MAP3K20: variants seen among roughly 807,000 people sequenced by gnomAD.
MAP3K20 encodes the protein mitogen-activated protein kinase kinase kinase 20, also known as HCCS-4.
A neutral mutation model predicts 85.7 loss-of-function variants in MAP3K20; 40 were observed. The observed-to-expected ratio is 0.47, with a 90% CI of 0.36 to 0.61. The LOEUF (loss-of-function observed/expected upper bound fraction) is 0.61. MAP3K20 is among the 20% of genes least tolerant of loss of function. MAP3K20 has a pLI of 0.00. For missense variants in MAP3K20, 817 were observed against 961.7 expected, an observed-to-expected ratio of 0.85 and a Z score of 1.99; for synonymous variants, 325 against 327.7, an observed-to-expected ratio of 0.99 and a Z score of 0.09.
intron 2 of MAP3K20, among the ~76,000 whole-genome samples, chr2:173,099,338 T>A (rs565088354): frequency 5.3e-5 from 8 of 150,972 alleles, no homozygotes; most frequent in Admixed American, 3.3e-4. Context: ...TTGTTTTGTT[T>A]TTTTTTTTTG....
Position 173,122,020 on chromosome 2 carries a change from G to T in MAP3K20, c.159+30830G>T, listed in dbSNP as rs538428183. 3.4e-4 allele frequency among the ~76,000 whole-genome samples: 52 copies of T among 152,296 alleles called. 4 individuals are homozygous for T. The South Asian group carries it at 7.9e-3, about 23-fold the overall frequency. ...TGTATTCATTTGATTATTGAGGTCT[G>T]TGCCCAATGTGAGAGGTCTGTCACA... On this transcript the variant is annotated intron_variant, in intron 2 of 19. Transcript: ENST00000375213.
At chr2:173,182,613 G>C (rs907837409) in intron 3 of MAP3K20, among the ~76,000 whole-genome samples, 11 of 152,064 alleles carry the variant, frequency 7.2e-5, no homozygotes, top group African/African-American at 2.7e-4. Context: ...CTCAGTTCCA[G>C]CTAAATGGCT....
chr2:173,257,197 A>C (rs1237324236), intron 16 of MAP3K20, among the ~76,000 whole-genome samples: 1 of 152,134 alleles, frequency 6.6e-6, no homozygotes, highest in East Asian at 1.9e-4. Flanking sequence ...TATAAAATTA[A>C]TTAAAAAGAG....
At chr2:173,224,243 AAAGGC>A in intron 11 of MAP3K20, 4 of 985,340 alleles carry the variant, frequency 4.1e-6, no homozygotes, top group Non-Finnish European at 4.8e-6. Context: ...CAAGTCTGAA[AAAGGC>A]AAGGGGATCT....
At chr2:173,158,369 G>A (rs1689543982) in intron 2 of MAP3K20, among the ~76,000 whole-genome samples, 1 of 152,168 alleles carries the variant, frequency 6.6e-6, no homozygotes, top group Admixed American at 6.5e-5. Context: ...TATAAAAAGA[G>A]GCAGAGGCAG....
chr2:173,152,496 C>A (rs1402166297), intron 2 of MAP3K20, among the ~76,000 whole-genome samples: 3 of 152,114 alleles, frequency 2.0e-5, no homozygotes, highest in Non-Finnish European at 2.9e-5. Flanking sequence ...CTGCTTCAGT[C>A]AACAGGCATG....
At chr2:173,091,382 A>G (rs546483382) in intron 2 of MAP3K20, among the ~76,000 whole-genome samples, 192 bp downstream of exon 2, 28 of 151,824 alleles carry the variant, frequency 1.8e-4, no homozygotes, top group Middle Eastern at 3.4e-3. Flanking sequence ...TTTAGGGTTG[A>G]GTTCTACTAG....
chr2:173,237,901 C>T (rs1037757971), intron 14 of MAP3K20, among the ~76,000 whole-genome samples: 2 of 152,190 alleles, frequency 1.3e-5, no homozygotes, highest in African/African-American at 4.8e-5. Context: ...TTCTTGGCCT[C>T]ATCCCTGTAA....
intron 11 of MAP3K20, chr2:173,225,744 A>T: frequency 1.0e-6 from 1 of 985,348 alleles, no homozygotes; most frequent in African/African-American, 1.7e-5. Context: ...TATTTTTAGA[A>T]TTACGGCAGC....
chr2:173,203,009 G>A (rs745539673), intron 8 of MAP3K20, among the ~76,000 whole-genome samples: 8 of 152,194 alleles, frequency 5.3e-5, no homozygotes, highest in Admixed American at 1.3e-4. Flanking sequence ...TTACATGAAT[G>A]TAAATGGGGC....
At chr2:173,222,930 A>G in intron 11 of MAP3K20, 1 of 985,290 alleles carries the variant, frequency 1.0e-6, no homozygotes, top group African/African-American at 1.7e-5. Context: ...ACTTTTTTCA[A>G]ACTAAATTAG....
intron 16 of MAP3K20, among the ~76,000 whole-genome samples, chr2:173,246,218 G>T (rs1241928940): frequency 1.3e-5 from 2 of 152,170 alleles, no homozygotes; most frequent in Non-Finnish European, 2.9e-5. Flanking sequence ...GGCAAATTCA[G>T]TCTAAAGGTC....
At chr2:173,219,892 C>A (rs937711717) in intron 11 of MAP3K20, among the ~76,000 whole-genome samples, 2 of 151,918 alleles carry the variant, frequency 1.3e-5, no homozygotes, top group Non-Finnish European at 2.9e-5. Context: ...CATAGTGAAA[C>A]CCCATCTCTA....
chr2:173,157,067 C>G (rs61264428), intron 2 of MAP3K20, among the ~76,000 whole-genome samples: 1 of 151,992 alleles, frequency 6.6e-6, no homozygotes, highest in Non-Finnish European at 1.5e-5. Context: ...CCTTTTGACT[C>G]CTTTGTTAGC....
chr2:173,180,093 T>C (rs1037535005), intron 3 of MAP3K20, among the ~76,000 whole-genome samples: 2 of 152,240 alleles, frequency 1.3e-5, no homozygotes, highest in Non-Finnish European at 2.9e-5. Context: ...AGCAGACTTT[T>C]TTTTAGAAAT....
intron 10 of MAP3K20, chr2:173,215,823 TACTC>T (rs2106313317): frequency 6.6e-6 from 1 of 152,358 alleles, no homozygotes. Context: ...ACTGTTCACT[TACTC>T]TTATTCTCCC....
rs1687909653 is a variant in MAP3K20, at chr2:173,110,216, TA to T, written c.159+19027del. ...TATGTTATACATATATATATATATA[TA>T]TATATATATATATATATATATATAT... On this transcript the variant is annotated intron_variant, in intron 2 of 19. Transcript: ENST00000375213. Among the ~76,000 whole-genome samples, 20 of 7,290 alleles carry T rather than the reference TA, an allele frequency of 2.7e-3. No homozygotes were observed. The East Asian group carries it at 0.045, about 17-fold the overall frequency. The allele number at this position is 7,290 out of a possible 152,430, so 4.8% of individuals were successfully genotyped here. A position where few individuals can be genotyped will look rare whatever the true frequency, so the allele number is the denominator to read the frequency against.
intron 3 of MAP3K20, among the ~76,000 whole-genome samples, chr2:173,181,642 A>G (rs1293151411): frequency 6.6e-6 from 1 of 152,224 alleles, no homozygotes. Flanking sequence ...CCAAATATCT[A>G]TCAACTGGGG....
intron 7 of MAP3K20, chr2:173,197,648 C>G (rs1303424147): frequency 6.5e-6 from 1 of 153,220 alleles, no homozygotes; most frequent in African/African-American, 2.4e-5. Context: ...GTTATTATTT[C>G]CTAGACAAAT....
Sources: gnomAD v4.1 joint callset for allele counts (sites outside exome capture counted in the v4.1 genomes callset) on GRCh38, gnomAD v4.1.1 for gene constraint, MANE v1.5 for transcripts, NCBI Gene and HGNC (gene_info 2026-07-23, HGNC 2026-07-21) for gene names.